The following ARK2C variants were observed in gnomAD, a reference collection of about 807,000 sequenced individuals.
ARK2C encodes the protein arkadia (RNF111) C-terminal like ring finger ubiquitin ligase 2C, also known as E3 ubiquitin-protein ligase ARK2C.
chr18:46,405,117 T>A, the ARK2C span, among the ~76,000 whole-genome samples: 2 of 152,156 alleles, frequency 1.3e-5, no homozygotes, highest in African/African-American at 4.8e-5. Context: ...AATGGCAGTT[T>A]ATTATTTTCA....
the ARK2C span, among the ~76,000 whole-genome samples, chr18:46,434,656 A>G: frequency 6.6e-6 from 1 of 152,226 alleles, no homozygotes; most frequent in South Asian, 2.1e-4. Context: ...GGGACTCCCA[A>G]GGATGCTCGG....
the ARK2C span, among the ~76,000 whole-genome samples, chr18:46,415,061 G>T: frequency 6.6e-6 from 1 of 152,212 alleles, no homozygotes; most frequent in African/African-American, 2.4e-5. Context: ...GGGAGCAGAA[G>T]CCAAGTCAGC....
At chr18:46,426,301 C>A in the ARK2C span, among the ~76,000 whole-genome samples, 1 of 152,186 alleles carries the variant, frequency 6.6e-6, no homozygotes, top group Non-Finnish European at 1.5e-5. Context: ...GGCAGTGAGC[C>A]TTTTAGAGAC....
the ARK2C span, among the ~76,000 whole-genome samples, chr18:46,345,775 A>G: frequency 3.9e-5 from 6 of 152,164 alleles, no homozygotes; most frequent in Non-Finnish European, 7.4e-5. Context: ...ATTTGGTGAC[A>G]TTTCATTCAG....
chr18:46,456,690 C>T, the ARK2C span: 2 of 1,289,342 alleles, frequency 1.6e-6, no homozygotes, highest in Non-Finnish European at 2.3e-6. Flanking sequence ...CCCCCACGGC[C>T]ATAGCCCTTG....
At chr18:46,383,591 G>A in the ARK2C span, among the ~76,000 whole-genome samples, 1 of 119,488 alleles carries the variant, frequency 8.4e-6, no homozygotes, top group East Asian at 2.5e-4. Flanking sequence ...GTCTCACTCT[G>A]TCACCCAGAT....
chr18:46,363,379 C>T, the ARK2C span, among the ~76,000 whole-genome samples: 2 of 152,244 alleles, frequency 1.3e-5, no homozygotes, highest in African/African-American at 2.4e-5. Context: ...AAGGAACACA[C>T]CACAGTGCCC....
chr18:46,363,418 C>G, the ARK2C span, among the ~76,000 whole-genome samples: 1 of 152,210 alleles, frequency 6.6e-6, no homozygotes, highest in Non-Finnish European at 1.5e-5. Flanking sequence ...TTTTGCAGTT[C>G]TCCGGCCATC....
At chr18:46,385,017 C>T in the ARK2C span, among the ~76,000 whole-genome samples, 2 of 152,226 alleles carry the variant, frequency 1.3e-5, no homozygotes, top group African/African-American at 2.4e-5. Context: ...CTGTTCCCTC[C>T]CCCTCAAAGA....
chr18:46,365,246 A>G, the ARK2C span, among the ~76,000 whole-genome samples: 1 of 152,044 alleles, frequency 6.6e-6, no homozygotes, highest in South Asian at 2.1e-4. Flanking sequence ...TGAGGCTCCC[A>G]TGTGGGCTCT....
At chr18:46,350,199 C>T in the ARK2C span, among the ~76,000 whole-genome samples, 11 of 152,316 alleles carry the variant, frequency 7.2e-5, no homozygotes, top group South Asian at 8.3e-4. Context: ...ACCCCACCAT[C>T]GCTGAATTCA....
chr18:46,400,671 C>T, the ARK2C span, among the ~76,000 whole-genome samples: 4 of 152,148 alleles, frequency 2.6e-5, no homozygotes, highest in Non-Finnish European at 5.9e-5. Flanking sequence ...GTCAGCGTGC[C>T]TCTCAGTGCA....
chr18:46,347,199 C>T, the ARK2C span, among the ~76,000 whole-genome samples: 1 of 152,246 alleles, frequency 6.6e-6, no homozygotes, highest in Non-Finnish European at 1.5e-5. Context: ...CCCTGCGCCT[C>T]TCCCATGTAG....
the ARK2C span, chr18:46,337,654 T>C: frequency 7.3e-6 from 7 of 954,300 alleles, no homozygotes; most frequent in African/African-American, 1.8e-5. Context: ...TATATTAACC[T>C]AGTGTGCTTT....
the ARK2C span, among the ~76,000 whole-genome samples, chr18:46,441,947 G>A: frequency 6.6e-6 from 1 of 150,996 alleles, no homozygotes; most frequent in South Asian, 2.1e-4. Context: ...GGCGGATCAC[G>A]AGGTCAGGGG....
chr18:46,360,820 C>T, the ARK2C span, among the ~76,000 whole-genome samples: 1 of 152,186 alleles, frequency 6.6e-6, no homozygotes, highest in Admixed American at 6.5e-5. Context: ...GTCACAGGGC[C>T]CACCTAAACA....
the ARK2C span, among the ~76,000 whole-genome samples, chr18:46,356,702 T>TAGCACCCTCTCCCAGGGCTC: frequency 6.6e-6 from 1 of 152,130 alleles, no homozygotes; most frequent in African/African-American, 2.4e-5. Flanking sequence ...GCCTGGGGCT[T>TAGCACCCTCTCCCAGGGCTC]AGCACCCTCT....
At chr18:46,424,169 G>C in the ARK2C span, among the ~76,000 whole-genome samples, 3 of 152,222 alleles carry the variant, frequency 2.0e-5, no homozygotes, top group Non-Finnish European at 4.4e-5. Context: ...GAAGGTCTTG[G>C]AGGGCTCCCA....
At chr18:46,348,035 TA>T in the ARK2C span, among the ~76,000 whole-genome samples, 1 of 152,128 alleles carries the variant, frequency 6.6e-6, no homozygotes, top group Non-Finnish European at 1.5e-5. Flanking sequence ...TTGCCTGCCT[TA>T]AAAATACTGA....
Sources: gnomAD v4.1 joint callset for allele counts (sites outside exome capture counted in the v4.1 genomes callset) on GRCh38, gnomAD v4.1.1 for gene constraint, MANE v1.5 for transcripts, NCBI Gene and HGNC (gene_info 2026-07-23, HGNC 2026-07-21) for gene names.